Variants in CEP295 observed in about 807,000 individuals in gnomAD.
The protein encoded by CEP295 is centrosomal protein of 295 kDa.
CEP295 carries 190 observed loss-of-function variants against 291.6 expected under a neutral mutation model. The observed-to-expected ratio is 0.65, with a 90% CI of 0.58 to 0.73. The LOEUF (loss-of-function observed/expected upper bound fraction) is 0.73, where lower values mean the gene tolerates loss of function less well. CEP295 is among the 30% of genes least tolerant of loss of function. CEP295 has a pLI of 0.00. For missense variants in CEP295, 2,863 were observed against 2,949.4 expected (o/e 0.97, Z 0.68); for synonymous variants, 993 against 1,038.8 (o/e 0.96, Z 0.85).
At chr11:93,711,751 T>A (rs753546932) in intron 18 of CEP295, among the ~76,000 whole-genome samples, 8 of 152,066 alleles carry the variant, frequency 5.3e-5, no homozygotes, top group Non-Finnish European at 8.8e-5. Context: ...GAACAAGTGA[T>A]CCGCCCACCT....
chr11:93,699,956 C>G lies in CEP295; in HGVS notation c.5044C>G (p.Pro1682Ala), dbSNP rs61740986. The change falls in exon 15 of 30, where the codon CCA becomes GCA. Residue 1682 changes from proline to alanine, a missense_variant. This residue lies in a region of CEP295 where 2,295 missense variants were observed against 2,335.7 expected (regional missense o/e 0.98). Coordinates refer to ENST00000325212, the MANE Select transcript of CEP295 (RefSeq NM_033395.2). ...ATCCCAGAATGAACATGCAGCCCCCCCAAGTAATCCTGTGATCCCAGGGTT... is the reference window on the plus strand; with the variant it reads ...ATCCCAGAATGAACATGCAGCCCCCGCAAGTAATCCTGTGATCCCAGGGTT... ...YSSQNEHAAPPSNPVIPGFQD... is the reference protein window; with the variant it reads ...YSSQNEHAAPASNPVIPGFQD... 192 of 1,551,602 alleles carry G rather than the reference C, an allele frequency of 1.2e-4. No homozygotes were observed. The highest frequency in any genetic ancestry group is 1.1e-4 in the Non-Finnish European group (128 of 1,147,008).
chr11:93,696,953 C>G lies in CEP295; in HGVS notation c.2041C>G (p.His681Asp), dbSNP rs1951873629. The G allele has an allele frequency of 1.9e-6, 3 of 1,551,802 alleles. No individual in the cohort carries two copies. Among genetic ancestry groups the G allele is most frequent in the Non-Finnish European group, 1.7e-6 (2 of 1,147,046 alleles). The stretch of plus-strand genomic sequence containing the variant: ...TCATTTTCAGGTAGCGAGACAAAAT[C>G]ACTTTCCACAAAGACAGGTGGAAAC... ...QDHFQVARQN[H>D]FPQRQVETTE... is the part of the protein sequence containing the mutation. The change falls in exon 15 of 30, where the codon CAC (histidine) becomes GAC (aspartate). Residue 681 changes from histidine to aspartate, a missense_variant. By Grantham distance (81) the His-to-Asp change is moderately conservative (BLOSUM62 -1). Around this residue, in one of 3 missense-constraint regions of CEP295, gnomAD observed 2,295 missense variants for 2,335.7 expected, o/e 0.98. Transcript: ENST00000325212.
At chr11:93,680,249 G>A (rs754937683) in intron 7 of CEP295, among the ~76,000 whole-genome samples, 3 of 151,990 alleles carry the variant, frequency 2.0e-5, no homozygotes, top group Non-Finnish European at 4.4e-5. Flanking sequence ...ACCACTGCAC[G>A]CCAGCCTGGG....
intron 6 of CEP295, among the ~76,000 whole-genome samples, chr11:93,676,282 A>G (rs11020478): frequency 0.26 from 39,435 of 151,954 alleles, 6,022 homozygotes; most frequent in South Asian, 0.44. Flanking sequence ...TAAAAGCATC[A>G]GCAACATAGG....
intron 18 of CEP295, 79 bp downstream of exon 18, chr11:93,706,976 T>C (rs1398999969): frequency 1.7e-6 from 2 of 1,208,666 alleles, no homozygotes; most frequent in East Asian, 5.3e-5. Flanking sequence ...TTATTTGTAA[T>C]GGTGAAAAAT....
intron 21 of CEP295, chr11:93,723,849 A>G (rs1266439053): frequency 6.3e-6 from 1 of 158,808 alleles, no homozygotes; most frequent in African/African-American, 2.4e-5. Context: ...TATTTGTCAA[A>G]AGTTTGTTCA....
At position 93,698,147 on chromosome 11, in the gene CEP295, G is replaced by T. The variant is rs544680011; in HGVS notation, c.3235G>T (p.Val1079Leu). ...DTLQARHEAQ[V>L]ELLLHRQRDL... is the part of the protein sequence containing the mutation. ...TCTTCAGGCTAGGCATGAAGCTCAG[G>T]TGGAATTACTTTTACATAGACAAAG... The change falls in exon 15 of 30, where the codon GTG (valine) becomes TTG (leucine). Residue 1079 changes from valine to leucine, a missense_variant. Val to Leu is a conservative substitution (Grantham distance 32). Around this residue, in one of 3 missense-constraint regions of CEP295, gnomAD observed 2,295 missense variants for 2,335.7 expected, o/e 0.98. Transcript: ENST00000325212. The T allele has an allele frequency of 2.3e-5, 36 of 1,552,226 alleles. No individual in the cohort carries two copies. In the Admixed American group the frequency reaches 2.4e-4, roughly 10 times the overall value.
At chr11:93,701,375 A>G (rs1268058627) in intron 15 of CEP295, among the ~76,000 whole-genome samples, 2 of 152,174 alleles carry the variant, frequency 1.3e-5, no homozygotes, top group Non-Finnish European at 2.9e-5. Flanking sequence ...AAAAATAAAT[A>G]AATGAAAGGC....
chr11:93,711,141 A>G (rs1186457584), intron 18 of CEP295, among the ~76,000 whole-genome samples: 1 of 150,996 alleles, frequency 6.6e-6, no homozygotes, highest in East Asian at 1.9e-4. Flanking sequence ...TCTTCCACCA[A>G]CCTTAGGTTT....
rs1953858234 is a variant in CEP295, at chr11:93,722,973, G to A, written c.5948-68G>A. The A allele has an allele frequency of 4.5e-6, 6 of 1,335,174 alleles. No homozygotes were observed. The East Asian group carries it at 1.5e-4, about 34-fold the overall frequency. The allele number at this position is 1,335,174 out of a possible 1,614,324, so 82.7% of individuals were successfully genotyped here. On this transcript the variant is annotated intron_variant, in intron 20 of 29. Coordinates refer to ENST00000325212, the MANE Select transcript of CEP295 (RefSeq NM_033395.2). ...TCCACCCACCTCGGCCTCCCAAAGTGCTGGTATTACAGGCGTGAGCCATCA... is the reference window on the plus strand; with the variant it reads ...TCCACCCACCTCGGCCTCCCAAAGTACTGGTATTACAGGCGTGAGCCATCA...
intron 8 of CEP295, 31 bp downstream of exon 8, chr11:93,683,773 T>A: frequency 2.0e-6 from 3 of 1,510,264 alleles, no homozygotes; most frequent in Non-Finnish European, 1.8e-6. Context: ...CTTTCAATAG[T>A]GATTTTATAC....
intron 18 of CEP295, among the ~76,000 whole-genome samples, chr11:93,716,608 C>T (rs1056325098): frequency 1.3e-5 from 2 of 152,082 alleles, no homozygotes; most frequent in Non-Finnish European, 2.9e-5. Context: ...AGACTGGGCG[C>T]AGAACAAAGA....
chr11:93,709,095 T>TG (rs1952714602), intron 18 of CEP295, among the ~76,000 whole-genome samples: 1 of 152,228 alleles, frequency 6.6e-6, no homozygotes, highest in African/African-American at 2.4e-5. Context: ...TCCTATTGGT[T>TG]GTCTCTTCAC....
Position 93,700,133 on chromosome 11 carries a change from C to T in CEP295, c.5221C>T (p.Gln1741Ter). The change falls in exon 15 of 30, where the codon CAG becomes TAG. Residue 1741 changes from glutamine to a stop codon, truncating the protein, a stop_gained. Transcript: ENST00000325212. LOFTEE classifies it high-confidence loss of function. Reference sequence around the variant, plus strand: ...TGTACAGAGACAAACAGCATTGCAGCAGCAGATACAGAAACATGAAGAGAC... The same window carrying T: ...TGTACAGAGACAAACAGCATTGCAGTAGCAGATACAGAAACATGAAGAGAC... ...LLVQRQTALQ[Q>*]QIQKHEETLK... The T allele has an allele frequency of 6.4e-7, 1 of 1,551,362 alleles. No homozygotes were observed.
chr11:93,700,471 G>A (rs1306306472), intron 15 of CEP295, among the ~76,000 whole-genome samples: 2 of 149,888 alleles, frequency 1.3e-5, no homozygotes, highest in Non-Finnish European at 3.0e-5. Flanking sequence ...TGTTGTCCAG[G>A]CTGGAGTAGA....
At position 93,699,762 on chromosome 11, in the gene CEP295, A is replaced by T; in HGVS notation, c.4850A>T (p.Tyr1617Phe). ...LDAQREVMYS[Y>F]EKPQEELSLN... is the part of the protein sequence containing the mutation. ...GCACAAAGGGAAGTGATGTATTCTT[A>T]TGAGAAACCCCAGGAAGAACTGTCT... The change falls in exon 15 of 30, where the codon TAT (tyrosine) becomes TTT (phenylalanine). Residue 1617 changes from tyrosine (Y) to phenylalanine (F), a missense_variant. Coordinates refer to ENST00000325212, the MANE Select transcript of CEP295 (RefSeq NM_033395.2). 1 of 1,552,074 alleles carries T rather than the reference A, an allele frequency of 6.4e-7. No individual in the cohort carries two copies. Among genetic ancestry groups the T allele is most frequent in the East Asian group, 2.4e-5 (1 of 40,914 alleles).
intron 18 of CEP295, among the ~76,000 whole-genome samples, chr11:93,719,435 T>C (rs1953532998): frequency 6.6e-6 from 1 of 152,026 alleles, no homozygotes; most frequent in South Asian, 2.1e-4. Flanking sequence ...GCCCAGCTAA[T>C]TTTTTATTTT....
In CEP295 at chr11:93,722,016, T is replaced by C; in HGVS notation, c.5913T>C (p.Ser1971=). Residue 1971 remains serine, a synonymous_variant, in exon 20 of 30, where the codon AGT becomes AGC. Transcript: ENST00000325212. Reference sequence around the variant, plus strand: ...CTGTTTCCACTGGGAGCCTTTTAAGTTATGAAAACACAGATTTGAGCCTTA... The same window carrying C: ...CTGTTTCCACTGGGAGCCTTTTAAGCTATGAAAACACAGATTTGAGCCTTA... ...SATVSTGSLL[S]YENTDLSLTD... 4 of 1,565,312 alleles carry C rather than the reference T, an allele frequency of 2.6e-6. No individual in the cohort carries two copies. Among genetic ancestry groups the C allele is most frequent in the Non-Finnish European group, 3.5e-6 (4 of 1,152,682 alleles).
chr11:93,675,927 A>G (rs888512060), intron 6 of CEP295, among the ~76,000 whole-genome samples: 16 of 152,198 alleles, frequency 1.1e-4, no homozygotes, highest in African/African-American at 3.4e-4. Flanking sequence ...AAAATATTAC[A>G]TGCTATTTGT....
Sources: gnomAD v4.1 joint callset for allele counts (sites outside exome capture counted in the v4.1 genomes callset) on GRCh38, gnomAD v4.1.1 for gene constraint, gnomAD v4.1.1 regional missense constraint, MANE v1.5 for transcripts, NCBI Gene and HGNC (gene_info 2026-07-23, HGNC 2026-07-21) for gene names.